Variants in RGS6 observed in about 807,000 individuals in gnomAD.
RGS6 encodes the protein regulator of G protein signaling 6.
RGS6 carries 30 observed loss-of-function variants against 78.5 expected under a neutral mutation model. The observed-to-expected ratio is 0.38, with a 90% CI of 0.29 to 0.52. The LOEUF is 0.52. RGS6 is among the 20% of genes least tolerant of loss of function. The pLI is 0.85. For synonymous variants in RGS6, 206 were observed against 206.0 expected (o/e 1.00, Z 0.00); for missense variants, 495 against 609.7 (o/e 0.81, Z 1.98).
intron 15 of RGS6, among the ~76,000 whole-genome samples, chr14:72,527,349 A>T (rs1400854959): frequency 6.6e-6 from 1 of 152,248 alleles, no homozygotes; most frequent in Non-Finnish European, 1.5e-5. Flanking sequence ...CAAGTAAAGG[A>T]CAATGAAAAG....
chr14:71,869,270 T>C, the RGS6 span, among the ~76,000 whole-genome samples: 34 of 152,326 alleles, frequency 2.2e-4, no homozygotes, highest in East Asian at 1.5e-3. Context: ...CTGAAGATGC[T>C]AGCAGCTAGA....
At chr14:72,602,987 A>C in the RGS6 span, among the ~76,000 whole-genome samples, 1 of 152,226 alleles carries the variant, frequency 6.6e-6, no homozygotes, top group African/African-American at 2.4e-5. Flanking sequence ...AACAAAGTCA[A>C]AGGATATTTA....
intron 2 of RGS6, among the ~76,000 whole-genome samples, chr14:71,991,872 A>G (rs2094966977): frequency 6.6e-6 from 1 of 152,214 alleles, no homozygotes; most frequent in African/African-American, 2.4e-5. Context: ...TCAGCTAATC[A>G]ACTCTGCTGT....
chr14:71,872,976 C>CT, the RGS6 span, among the ~76,000 whole-genome samples: 1 of 152,092 alleles, frequency 6.6e-6, no homozygotes, highest in East Asian at 1.9e-4. Flanking sequence ...TGAACTCAAC[C>CT]TTTTTTATGG....
chr14:72,558,849 A>G (rs1323153430), intron 17 of RGS6, among the ~76,000 whole-genome samples: 1 of 152,194 alleles, frequency 6.6e-6, no homozygotes, highest in Admixed American at 6.5e-5. Flanking sequence ...TCTGCAGCTC[A>G]GTTCTTAATC....
At chr14:72,295,941 T>G (rs755261686) in intron 2 of RGS6, among the ~76,000 whole-genome samples, 2 of 152,270 alleles carry the variant, frequency 1.3e-5, no homozygotes, top group Non-Finnish European at 2.9e-5. Flanking sequence ...CTGTGTTGAC[T>G]ATACTTACGT....
chr14:72,054,116 A>G (rs2093484813), intron 2 of RGS6, among the ~76,000 whole-genome samples: 2 of 152,208 alleles, frequency 1.3e-5, no homozygotes, highest in African/African-American at 4.8e-5. Context: ...CATGAAGATG[A>G]CTGATACACC....
the RGS6 span, among the ~76,000 whole-genome samples, chr14:72,607,399 G>A: frequency 7.9e-5 from 12 of 152,316 alleles, no homozygotes; most frequent in East Asian, 1.7e-3. Context: ...CATGGTGAAG[G>A]GGCAAGGGGT....
intron 2 of RGS6, among the ~76,000 whole-genome samples, chr14:72,132,245 C>T (rs2153593350): frequency 6.6e-6 from 1 of 151,660 alleles, no homozygotes; most frequent in South Asian, 2.1e-4. Flanking sequence ...AGGAAGTAGA[C>T]AATCCTCATT....
chr14:72,501,392 A>G, intron 13 of RGS6, among the ~76,000 whole-genome samples: 1 of 131,448 alleles, frequency 7.6e-6, no homozygotes, highest in African/African-American at 4.2e-5. Flanking sequence ...AGTTATATTC[A>G]GAGGGGAAAA....
intron 2 of RGS6, among the ~76,000 whole-genome samples, chr14:72,238,465 C>T (rs8007566): frequency 0.47 from 71,221 of 152,000 alleles, 17,117 homozygotes; most frequent in Middle Eastern, 0.63. Context: ...GTGTACTTTA[C>T]ATCCTCCCTT....
At chr14:71,961,048 A>G (rs1193753004) in intron 1 of RGS6, among the ~76,000 whole-genome samples, 1 of 152,212 alleles carries the variant, frequency 6.6e-6, no homozygotes, top group Non-Finnish European at 1.5e-5. Flanking sequence ...TATTTGCTCA[A>G]AGAATAAATG....
At chr14:72,262,593 C>A (rs746833696) in intron 2 of RGS6, among the ~76,000 whole-genome samples, 2 of 152,172 alleles carry the variant, frequency 1.3e-5, no homozygotes, top group African/African-American at 4.8e-5. Context: ...CTGGGGAGAA[C>A]ACAGTTCAGT....
At chr14:72,329,221 C>T (rs946694810) in intron 2 of RGS6, among the ~76,000 whole-genome samples, 2 of 152,250 alleles carry the variant, frequency 1.3e-5, no homozygotes, top group African/African-American at 2.4e-5. Context: ...TGAAAATTCT[C>T]TTGTCCATTC....
chr14:72,264,912 G>C (rs41520750), intron 2 of RGS6, among the ~76,000 whole-genome samples: 1,843 of 152,188 alleles, frequency 0.012, 30 homozygotes, highest in African/African-American at 0.042. Flanking sequence ...GGAACCTCTC[G>C]GTACCACGTT....
the RGS6 span, among the ~76,000 whole-genome samples, chr14:72,606,800 G>T: frequency 4.6e-5 from 7 of 152,260 alleles, no homozygotes; most frequent in African/African-American, 1.7e-4. Flanking sequence ...GGTAGGTAAT[G>T]ACTGAGTTCT....
chr14:71,959,127 G>A (rs903799742), intron 1 of RGS6, among the ~76,000 whole-genome samples: 1 of 152,126 alleles, frequency 6.6e-6, no homozygotes, highest in African/African-American at 2.4e-5. Context: ...TTTGAACTTC[G>A]AATATATAGG....
chr14:72,320,166 A>G (rs1175118443), intron 2 of RGS6, among the ~76,000 whole-genome samples: 1 of 152,214 alleles, frequency 6.6e-6, no homozygotes, highest in Non-Finnish European at 1.5e-5. Context: ...CCTCAGTGAA[A>G]AAGTATGTGG....
intron 2 of RGS6, among the ~76,000 whole-genome samples, chr14:72,127,568 T>G (rs1302737111): frequency 6.6e-6 from 1 of 152,178 alleles, no homozygotes; most frequent in Non-Finnish European, 1.5e-5. Context: ...ACATAAAGTT[T>G]CAGTAGAGTT....
Sources: gnomAD v4.1 joint callset for allele counts (sites outside exome capture counted in the v4.1 genomes callset) on GRCh38, gnomAD v4.1.1 for gene constraint, MANE v1.5 for transcripts, NCBI Gene and HGNC (gene_info 2026-07-23, HGNC 2026-07-21) for gene names.